KCTD19: variants seen among roughly 807,000 people sequenced by gnomAD.
KCTD19 encodes BTB/POZ domain-containing protein KCTD19.
KCTD19 carries 67 observed loss-of-function variants against 103.5 expected under a neutral mutation model. The ratio of observed to expected loss-of-function variants is 0.65; its 90% CI spans 0.53 to 0.79. The LOEUF is 0.79. Ranked by LOEUF, KCTD19 falls within the 30% of genes least tolerant of loss-of-function variation. The pLI, the probability that KCTD19 is intolerant of heterozygous loss-of-function variation, is 0.00. For missense variants in KCTD19, 980 were observed against 1,136.1 expected (o/e 0.86, Z 1.98); for synonymous variants, 439 against 452.2 (o/e 0.97, Z 0.37).
chr16:67,309,234 A>G (rs1287560798), intron 2 of KCTD19, among the ~76,000 whole-genome samples: 1 of 152,154 alleles, frequency 6.6e-6, no homozygotes, highest in Non-Finnish European at 1.5e-5. Flanking sequence ...TCTCCAAAGA[A>G]GCGAACAGAG....
Position 67,325,207 on chromosome 16 carries a change from C to CTTT in KCTD19, c.3+1495_3+1497dup, listed in dbSNP as rs10695930. Among the ~76,000 whole-genome samples the CTTT allele has an allele frequency of 2.7e-3, 308 of 113,142 alleles. 14 individuals carry two copies. The highest frequency in any genetic ancestry group is 0.011 in the African/African-American group (279 of 25,748). The allele number at this position is 113,142 out of a possible 152,430, so 74.2% of individuals were successfully genotyped here. ...CTTTTTTTTCTTTTTTTCTTTTTTT[C>CTTT]TTTTTTTTTTTTTTTGAGACGGAGT... On this transcript the variant is annotated intron_variant, in intron 1 of 15. Transcript: ENST00000304372.
chr16:67,305,894 C>T (rs1436375303), intron 2 of KCTD19, among the ~76,000 whole-genome samples: 2 of 152,180 alleles, frequency 1.3e-5, no homozygotes, highest in African/African-American at 2.4e-5. Flanking sequence ...AAGCTATAAA[C>T]TGTGCCCGCA....
At chr16:67,295,493 C>A in intron 8 of KCTD19, 88 bp from the exon 9 acceptor site, 1 of 1,282,172 alleles carries the variant, frequency 7.8e-7, no homozygotes, top group Non-Finnish European at 1.1e-6. Flanking sequence ...CCTTTTCCAA[C>A]TACACTAGAG....
In KCTD19 at chr16:67,301,684, CA is replaced by C. The variant is rs1344761107; in HGVS notation, c.775+106del. The C allele has an allele frequency of 1.0e-5, 11 of 1,049,406 alleles. No individual in the cohort carries two copies. The East Asian group carries it at 2.7e-4, about 25-fold the overall frequency. 65.0% of individuals were successfully genotyped at this position (1,049,406 alleles called of 1,614,324 possible). A position where few individuals can be genotyped will look rare whatever the true frequency, so the allele number is the denominator to read the frequency against. On this transcript the variant is annotated intron_variant, in intron 5 of 15. Transcript: ENST00000304372. ...AGTCAGCCAGAAAACCCAATCCTCT[CA>C]CTAACCCCCAAAGCCCGAAGTGATT...
chr16:67,292,174 C>A (rs1277378520), intron 12 of KCTD19, among the ~76,000 whole-genome samples: 1 of 152,206 alleles, frequency 6.6e-6, no homozygotes, highest in East Asian at 1.9e-4. Context: ...TTTTAAAATT[C>A]TTTTCTTCAA....
intron 2 of KCTD19, among the ~76,000 whole-genome samples, chr16:67,309,037 G>A (rs2036922829): frequency 2.6e-5 from 4 of 151,508 alleles, no homozygotes; most frequent in Admixed American, 1.3e-4. Context: ...TGGAGGCTGA[G>A]GCAATCATTT....
In KCTD19 at chr16:67,320,663, A is replaced by G; in HGVS notation, c.226T>C (p.Ser76Pro). 1 of 1,614,174 alleles carries G rather than the reference A, an allele frequency of 6.2e-7. No individual in the cohort carries two copies. The highest frequency in any genetic ancestry group is 1.3e-5 in the African/African-American group (1 of 75,028). Residue 76 changes from serine to proline, a missense_variant, in exon 2 of 16, where the codon TCC becomes CCC. By Grantham distance (74) the Ser-to-Pro change is moderately conservative. Transcript: ENST00000304372. This position sits in a 1 kb window ranked among gnomAD's most constrained non-coding sequence, Gnocchi z 4.0. ...VHYYLYTSKL[S>P]FSSCAELNLL... ...TTCAGTTCTGCACAACTGGAGAAGG[A>G]GAGTTTGGAGGTGTAGAGGTAATAG...
chr16:67,296,527 C>T (rs747621898), intron 7 of KCTD19, among the ~76,000 whole-genome samples: 2 of 152,160 alleles, frequency 1.3e-5, no homozygotes, highest in African/African-American at 2.4e-5. Context: ...TGTCCACCTA[C>T]AATGCCAGCT....
intron 6 of KCTD19, among the ~76,000 whole-genome samples, chr16:67,297,988 C>CACCATGTAGGCCAGGA (rs2036786881): frequency 2.2e-5 from 3 of 134,856 alleles, no homozygotes; most frequent in African/African-American, 2.7e-5. Context: ...GACGGGGTTT[C>CACCATGTAGGCCAGGA]TTTTTTTTTT....
Position 67,293,817 on chromosome 16 carries a change from G to A in KCTD19, c.1945C>T (p.Gln649Ter), listed in dbSNP as rs77164997. 1 of 1,613,764 alleles carries A rather than the reference G, an allele frequency of 6.2e-7. No individual in the cohort carries two copies. Among genetic ancestry groups the A allele is most frequent in the African/African-American group, 1.3e-5 (1 of 75,034 alleles). Residue 649 changes from glutamine to a stop codon, truncating the protein, a stop_gained, in exon 12 of 16, where the codon CAG (glutamine) becomes TAG (stop). Transcript: ENST00000304372. LOFTEE classifies it high-confidence loss of function. This position sits in a 1 kb window ranked among gnomAD's most constrained non-coding sequence, Gnocchi z 4.0. ...GCTGTCAGTGGCTGGAATTCCCACT[G>A]TTTGCAATTGACCATGTCCCATTCT... is the stretch of plus-strand genomic sequence containing the variant. ...VREWDMVNCK[Q>*]WEFQPLTATR...
intron 4 of KCTD19, chr16:67,302,698 C>T (rs2036847473): frequency 6.0e-6 from 1 of 166,934 alleles, no homozygotes; most frequent in African/African-American, 2.4e-5. Context: ...CCCTCCTTCC[C>T]TTTTATTCTG....
intron 4 of KCTD19, 191 bp downstream of exon 4, chr16:67,302,955 T>G: frequency 1.7e-6 from 1 of 595,268 alleles, no homozygotes; most frequent in Non-Finnish European, 2.9e-6. Flanking sequence ...AAAACAGCCC[T>G]GAGTCTAGTG....
chr16:67,299,610 C>A (rs755275172), intron 5 of KCTD19, 37 bp from the exon 6 acceptor site: 3 of 1,578,950 alleles, frequency 1.9e-6, no homozygotes, highest in Non-Finnish European at 2.6e-6. Flanking sequence ...CTAGGCCCCC[C>A]ATGGTCATAG....
chr16:67,306,065 C>T (rs1482041932), intron 2 of KCTD19, among the ~76,000 whole-genome samples: 5 of 152,142 alleles, frequency 3.3e-5, no homozygotes, highest in Admixed American at 1.3e-4. Context: ...GTGCGTGGAA[C>T]GCTGGAAGAC....
At chr16:67,321,277 T>C (rs2037070272) in intron 1 of KCTD19, among the ~76,000 whole-genome samples, 1 of 152,174 alleles carries the variant, frequency 6.6e-6, no homozygotes, top group African/African-American at 2.4e-5. Context: ...ACTTCAGCAA[T>C]GAACAATCTG....
At chr16:67,296,959 A>G (rs1447578529) in intron 7 of KCTD19, among the ~76,000 whole-genome samples, 1 of 152,210 alleles carries the variant, frequency 6.6e-6, no homozygotes, top group Non-Finnish European at 1.5e-5. Flanking sequence ...GTCCTGGTAT[A>G]TGACCGGTAC....
At chr16:67,291,939 T>C in intron 12 of KCTD19, 102 bp from the exon 13 acceptor site, 1 of 722,986 alleles carries the variant, frequency 1.4e-6, no homozygotes, top group South Asian at 2.5e-5. Context: ...AATGGCACAA[T>C]CTTGGCTCAC....
At position 67,291,666 on chromosome 16, in the gene KCTD19, G is replaced by A. The variant is rs2036697930; in HGVS notation, c.2390C>T (p.Thr797Ile). ...EMDNLRHTTPTASPQPQEVTF... is the reference protein window; with the variant it reads ...EMDNLRHTTPIASPQPQEVTF... Reference sequence around the variant, plus strand: ...CTCACCTTGGGGCTGGGGACTGGCTGTGGGTGTTGTGTGCCTGAGGTTGTC... The same window carrying A: ...CTCACCTTGGGGCTGGGGACTGGCTATGGGTGTTGTGTGCCTGAGGTTGTC... Residue 797 changes from threonine (T) to isoleucine (I), a missense_variant, in exon 13 of 16, where the codon ACA becomes ATA. By Grantham distance (89) the Thr-to-Ile change is moderately conservative. Transcript: ENST00000304372. 1 of 1,613,946 alleles carries A rather than the reference G, an allele frequency of 6.2e-7. No homozygotes were observed. The highest frequency in any genetic ancestry group is 8.5e-7 in the Non-Finnish European group (1 of 1,179,950).
intron 2 of KCTD19, chr16:67,305,733 T>C (rs2036885543): frequency 2.8e-6 from 1 of 360,394 alleles, no homozygotes; most frequent in East Asian, 9.6e-5. Flanking sequence ...CAAGTGGTAC[T>C]TTAAAGGCAC....
Sources: allele counts gnomAD v4.1 joint callset (sites outside exome capture counted in the v4.1 genomes callset), GRCh38; gene constraint gnomAD v4.1.1; non-coding constraint Gnocchi (gnomAD v3.1); transcripts MANE v1.5; gene names NCBI Gene and HGNC (gene_info 2026-07-23, HGNC 2026-07-21).